FKTN: variants seen among roughly 807,000 people sequenced by gnomAD.
FKTN encodes the protein ribitol-5-phosphate transferase FKTN.
FKTN carries 47 observed loss-of-function variants against 58.6 expected under a neutral mutation model. The observed-to-expected ratio is 0.80, with a 90% confidence interval of 0.63 to 1.02. The LOEUF (loss-of-function observed/expected upper bound fraction) is 1.02, where lower values mean the gene tolerates loss of function less well. Among genes scored for constraint, FKTN ranks in the 50% least tolerant of loss-of-function variants. The pLI is 0.00. For synonymous variants in FKTN, 178 were observed against 191.9 expected, an observed-to-expected ratio of 0.93 and a Z score of 0.60; for missense variants, 516 against 537.3, an observed-to-expected ratio of 0.96 and a Z score of 0.39.
intron 3 of FKTN, among the ~76,000 whole-genome samples, chr9:105,577,915 T>G (rs561155475): frequency 2.0e-5 from 3 of 151,442 alleles, no homozygotes; most frequent in South Asian, 2.1e-4. Flanking sequence ...CTAGGTATTT[T>G]ATTCTCTTTG....
chr9:105,588,991 T>A (rs1474199827), intron 3 of FKTN, among the ~76,000 whole-genome samples: 1 of 152,176 alleles, frequency 6.6e-6, no homozygotes, highest in East Asian at 1.9e-4. Context: ...TGACAGTGAC[T>A]GCATCTTCCT....
chr9:105,615,727 T>C (rs1416128450), intron 8 of FKTN, among the ~76,000 whole-genome samples: 1 of 152,070 alleles, frequency 6.6e-6, no homozygotes, highest in Non-Finnish European at 1.5e-5. Flanking sequence ...CACCAGTGGA[T>C]GCCTGAAATC....
intron 7 of FKTN, among the ~76,000 whole-genome samples, chr9:105,613,127 A>T (rs1830223306): frequency 6.6e-6 from 1 of 152,186 alleles, no homozygotes; most frequent in Admixed American, 6.5e-5. Flanking sequence ...TAGTCCTTTC[A>T]GTCACTCTGT....
chr9:105,596,585 G>T lies in FKTN; in HGVS notation c.106-13G>T. On this transcript the variant is annotated splice_polypyrimidine_tract_variant and intron_variant, in intron 3 of 10. Coordinates refer to ENST00000357998, the MANE Select transcript of FKTN (RefSeq NM_001079802.2). ...TTTGAATTTACTAAAAAGTTCTTTT[G>T]TTGTCTTCCTAGAATGGAGCTGGTT... 1 of 1,606,348 alleles carries T rather than the reference G, an allele frequency of 6.2e-7. No individual in the cohort carries two copies. The highest frequency in any genetic ancestry group is 1.7e-4 in the Middle Eastern group (1 of 5,778).
Position 105,601,270 on chromosome 9 carries a change from T to A in FKTN, c.291T>A (p.Ser97=). 1 of 1,612,734 alleles carries A rather than the reference T, an allele frequency of 6.2e-7. No homozygotes were observed. Among genetic ancestry groups the A allele is most frequent in the Non-Finnish European group, 8.5e-7 (1 of 1,179,292 alleles). Residue 97 remains serine (S), a synonymous_variant, in exon 5 of 11, where the codon TCT becomes TCA. Coordinates refer to ENST00000357998, the MANE Select transcript of FKTN (RefSeq NM_001079802.2). ...FEQVKNTSHG[S]TSQCKFFCVP... Reference sequence around the variant, plus strand: ...AAGTCAAAAATACTTCTCATGGCTCTACTTCACAATGCAAGTTTTTCTGTG... The same window carrying A: ...AAGTCAAAAATACTTCTCATGGCTCAACTTCACAATGCAAGTTTTTCTGTG...
At position 105,635,066 on chromosome 9, in the gene FKTN, G is replaced by A. The variant is rs886063320; in HGVS notation, c.1188G>A (p.Lys396=). ...TGKKFKYLFP[K]FTLCWTEFVD... is the part of the protein sequence containing the mutation. ...TTTGCTGCAGATACCTGTTTCCGAAGTTTACACTGTGCTGGACTGAGTTTG... is the reference window on the plus strand; with the variant it reads ...TTTGCTGCAGATACCTGTTTCCGAAATTTACACTGTGCTGGACTGAGTTTG... The change falls in exon 11 of 11, where the codon AAG becomes AAA. Residue 396 remains lysine (K), a synonymous_variant. Coordinates refer to ENST00000357998, the MANE Select transcript of FKTN (RefSeq NM_001079802.2). 3 of 1,614,038 alleles carry A rather than the reference G, an allele frequency of 1.9e-6. No homozygotes were observed. Among genetic ancestry groups the A allele is most frequent in the African/African-American group, 1.3e-5 (1 of 74,918 alleles).
rs1181265624 is a variant in FKTN at position 105,618,101 on chromosome 9, CAA to C, written c.1044+12_1044+13del. Reference sequence around the variant, plus strand: ...AACACAAATTTGGGAAGGTCAGTAACAAAAGTCGGCTTCATTTCATAAGTAAC... The same window carrying C: ...AACACAAATTTGGGAAGGTCAGTAACAAGTCGGCTTCATTTCATAAGTAAC... On this transcript the variant is annotated intron_variant, in intron 9 of 10. Transcript: ENST00000357998. 6.2e-7 allele frequency: 1 copy of C among 1,609,560 alleles called. No homozygotes were observed. The highest frequency in any genetic ancestry group is 8.5e-7 in the Non-Finnish European group (1 of 1,175,934).
intron 3 of FKTN, among the ~76,000 whole-genome samples, chr9:105,587,959 A>G (rs1035233838): frequency 3.9e-5 from 6 of 152,318 alleles, no homozygotes; most frequent in East Asian, 3.9e-4. Context: ...GGAATTGGCA[A>G]TGGTCAGTGT....
intron 4 of FKTN, among the ~76,000 whole-genome samples, chr9:105,597,679 T>A (rs1344366752): frequency 6.6e-6 from 1 of 152,148 alleles, no homozygotes; most frequent in Non-Finnish European, 1.5e-5. Context: ...TTGGACCTGA[T>A]TTATCATCTT....
chr9:105,636,143 T>C lies in FKTN; in HGVS notation c.*879T>C. 1 of 948,664 alleles carries C rather than the reference T, an allele frequency of 1.1e-6. No homozygotes were observed. The highest frequency in any genetic ancestry group is 1.3e-6 in the Non-Finnish European group (1 of 796,636). The allele number at this position is 948,664 out of a possible 1,614,324, so 58.8% of individuals were successfully genotyped here. A position where few individuals can be genotyped will look rare whatever the true frequency, so the allele number is the denominator to read the frequency against. ...TAGGTAAAAATATGAGAAATTCATG[T>C]ACATTTTATATTTTCTGAATTTATA... On this transcript the variant is annotated 3_prime_UTR_variant, in exon 11 of 11. Coordinates refer to ENST00000357998, the MANE Select transcript of FKTN (RefSeq NM_001079802.2).
At chr9:105,572,223 T>G (rs1215433911) in intron 1 of FKTN, among the ~76,000 whole-genome samples, 1 of 128,504 alleles carries the variant, frequency 7.8e-6, no homozygotes, top group East Asian at 2.6e-4. Flanking sequence ...AGTAGTTTCT[T>G]GAGACTGTAT....
At chr9:105,603,916 C>T in intron 5 of FKTN, 2 of 377,700 alleles carry the variant, frequency 5.3e-6, no homozygotes, top group Non-Finnish European at 1.0e-5. Flanking sequence ...GATCCACCTG[C>T]CTCAGCCTCC....
At chr9:105,584,159 C>G (rs1000725546) in intron 3 of FKTN, among the ~76,000 whole-genome samples, 1 of 152,062 alleles carries the variant, frequency 6.6e-6, no homozygotes, top group African/African-American at 2.4e-5. Flanking sequence ...ACAGTACCAC[C>G]TCATAGACTT....
Position 105,615,351 on chromosome 9 carries a change from C to G in FKTN, c.854C>G (p.Ala285Gly). The change falls in exon 8 of 11, where the codon GCG becomes GGG. Residue 285 changes from alanine (A) to glycine (G), a missense_variant. By Grantham distance (60) the Ala-to-Gly change is moderately conservative. Coordinates refer to ENST00000357998, the MANE Select transcript of FKTN (RefSeq NM_001079802.2). The part of the protein sequence containing the change: ...KSAKELLQLA[A>G]KTLNKLGVPF... The stretch of plus-strand genomic sequence containing the variant: ...GCAAAGGAATTACTGCAACTAGCAG[C>G]GAAAACATTAAACAAATTGGGAGTA... 6.2e-7 allele frequency: 1 copy of G among 1,613,832 alleles called. No homozygotes were observed. The highest frequency in any genetic ancestry group is 8.5e-7 in the Non-Finnish European group (1 of 1,179,700).
In FKTN at chr9:105,610,294, T is replaced by C. The variant is rs186736743; in HGVS notation, c.780+2343T>C. 5.3e-3 allele frequency among the ~76,000 whole-genome samples: 812 copies of C among 151,984 alleles called. 3 individuals carry two copies. Among genetic ancestry groups the C allele is most frequent in the Non-Finnish European group, 7.3e-3 (495 of 67,988 alleles). On this transcript the variant is annotated intron_variant, in intron 7 of 10. Coordinates refer to ENST00000357998, the MANE Select transcript of FKTN (RefSeq NM_001079802.2). ...GCTATTTGGGTTTTGCTGCAGAGAGTTTCTCTCAGTGAACAGGGGTAGGGT... is the reference window on the plus strand; with the variant it reads ...GCTATTTGGGTTTTGCTGCAGAGAGCTTCTCTCAGTGAACAGGGGTAGGGT...
In FKTN at chr9:105,635,305, A is replaced by T; in HGVS notation, c.*41A>T. 1 of 1,613,758 alleles carries T rather than the reference A, an allele frequency of 6.2e-7. No homozygotes were observed. Among genetic ancestry groups the T allele is most frequent in the Non-Finnish European group, 8.5e-7 (1 of 1,179,760 alleles). On this transcript the variant is annotated 3_prime_UTR_variant, in exon 11 of 11. Coordinates refer to ENST00000357998, the MANE Select transcript of FKTN (RefSeq NM_001079802.2). The stretch of plus-strand genomic sequence containing the variant: ...TGGGAGAATTTCTCTTTTGGAAAAA[A>T]AGGTAGATAACTGTTTAAAAAATAC...
intron 3 of FKTN, among the ~76,000 whole-genome samples, chr9:105,581,339 G>A (rs1842850184): frequency 6.7e-6 from 1 of 148,248 alleles, no homozygotes; most frequent in Non-Finnish European, 1.5e-5. Context: ...GTACAGATGG[G>A]TTTTCGGTGT....
In FKTN at chr9:105,617,946, A is replaced by G. The variant is rs766103012; in HGVS notation, c.911-13A>G. On this transcript the variant is annotated splice_polypyrimidine_tract_variant and intron_variant, in intron 8 of 10. Coordinates refer to ENST00000357998, the MANE Select transcript of FKTN (RefSeq NM_001079802.2). ...ACCTAAATTTTGTTAAAAAAATTTA[A>G]TCTTCTTTTTAGGATGGTATCGACA... is the stretch of plus-strand genomic sequence containing the variant. The G allele has an allele frequency of 2.7e-5, 42 of 1,536,680 alleles. No individual in the cohort carries two copies. Among genetic ancestry groups the G allele is most frequent in the South Asian group, 4.7e-5 (4 of 85,266 alleles).
chr9:105,585,242 T>A (rs941848903), intron 3 of FKTN, among the ~76,000 whole-genome samples: 1 of 152,084 alleles, frequency 6.6e-6, no homozygotes. Flanking sequence ...CTGGGCAACA[T>A]AGTAAGATCT....
Sources: allele counts gnomAD v4.1 joint callset (sites outside exome capture counted in the v4.1 genomes callset), GRCh38; gene constraint gnomAD v4.1.1; transcripts MANE v1.5; gene names NCBI Gene and HGNC (gene_info 2026-07-23, HGNC 2026-07-21).